WDR72: variants seen among roughly 807,000 people sequenced by gnomAD.
WDR72 encodes WD repeat domain 72.
WDR72 carries 120 observed loss-of-function variants against 124.2 expected under a neutral mutation model. The ratio of observed to expected loss-of-function variants is 0.97; its 90% CI spans 0.83 to 1.12. The LOEUF is 1.12. WDR72 is among the 50% of genes most tolerant of loss of function. WDR72 has a pLI of 0.00. For missense variants in WDR72, 1,387 were observed against 1,278.8 expected (o/e 1.08, Z -1.29); for synonymous variants, 452 against 441.7 (o/e 1.02, Z -0.29).
chr15:53,681,544 A>G (rs1410845009), intron 13 of WDR72, among the ~76,000 whole-genome samples: 1 of 152,220 alleles, frequency 6.6e-6, no homozygotes, highest in African/African-American at 2.4e-5. Flanking sequence ...GAATCGCTAA[A>G]ACTGATTACA....
chr15:53,578,358 G>C (rs568666633), intron 18 of WDR72, among the ~76,000 whole-genome samples: 1 of 152,272 alleles, frequency 6.6e-6, no homozygotes, highest in South Asian at 2.1e-4. Flanking sequence ...GAAGATCTCA[G>C]GCAATAGTGG....
intron 6 of WDR72, 29 bp from the exon 7 acceptor site, chr15:53,712,920 C>G: frequency 6.2e-7 from 1 of 1,611,226 alleles, no homozygotes; most frequent in South Asian, 1.1e-5. Flanking sequence ...TCTTTTAGTA[C>G]TAGTTCCAGG....
intron 17 of WDR72, among the ~76,000 whole-genome samples, chr15:53,606,852 C>G (rs2013306799): frequency 6.6e-6 from 1 of 152,096 alleles, no homozygotes; most frequent in Non-Finnish European, 1.5e-5. Flanking sequence ...CAAATGATGA[C>G]AGATGTGGTC....
intron 4 of WDR72, among the ~76,000 whole-genome samples, chr15:53,716,162 T>C (rs2017700010): frequency 1.3e-5 from 2 of 152,278 alleles, no homozygotes; most frequent in South Asian, 2.1e-4. Flanking sequence ...AAGATTTGCT[T>C]TAAAGATTGG....
At chr15:53,520,040 A>G (rs775164587) in intron 19 of WDR72, among the ~76,000 whole-genome samples, 1 of 152,094 alleles carries the variant, frequency 6.6e-6, no homozygotes, top group Non-Finnish European at 1.5e-5. Flanking sequence ...TCTAAATATC[A>G]ACTTCACTTT....
intron 18 of WDR72, among the ~76,000 whole-genome samples, chr15:53,560,577 T>C (rs575265780): frequency 5.3e-5 from 8 of 152,004 alleles, no homozygotes; most frequent in African/African-American, 7.2e-5. Context: ...TTATTTTTTT[T>C]CCAAGAATTA....
At chr15:53,560,995 A>G (rs1288607355) in intron 18 of WDR72, among the ~76,000 whole-genome samples, 9 of 151,872 alleles carry the variant, frequency 5.9e-5, no homozygotes, top group Admixed American at 5.9e-4. Context: ...CCCTAAAGAT[A>G]TTATTACCAC....
rs1030044124 is a variant in WDR72, at chr15:53,711,540, G to A, written c.712-59C>T. 3.2e-6 allele frequency: 5 copies of A among 1,547,978 alleles called. No individual in the cohort carries two copies. In the South Asian group the frequency reaches 3.4e-5, roughly 10 times the overall value. On this transcript the variant is annotated intron_variant, in intron 7 of 19. Coordinates refer to ENST00000360509, the MANE Select transcript of WDR72 (RefSeq NM_182758.4). ...CTTAAATCTAGTCTGCCAATAAGAT[G>A]AATATAAATTATGATAGTAATAATA...
chr15:53,682,255 A>C (rs1255049083), intron 13 of WDR72, among the ~76,000 whole-genome samples: 1 of 152,210 alleles, frequency 6.6e-6, no homozygotes, highest in African/African-American at 2.4e-5. Context: ...TAATTTCACC[A>C]AAGTGGAGAT....
At chr15:53,561,469 T>A (rs1894122195) in intron 18 of WDR72, among the ~76,000 whole-genome samples, 1 of 151,812 alleles carries the variant, frequency 6.6e-6, no homozygotes, top group Non-Finnish European at 1.5e-5. Context: ...ATAAAATAAG[T>A]GCATACTTTG....
intron 18 of WDR72, among the ~76,000 whole-genome samples, chr15:53,526,602 C>T (rs1892130626): frequency 6.6e-6 from 1 of 152,006 alleles, no homozygotes; most frequent in Non-Finnish European, 1.5e-5. Flanking sequence ...TTGATCTTTA[C>T]TCATGGTGGG....
intron 19 of WDR72, among the ~76,000 whole-genome samples, chr15:53,520,979 T>G (rs1278232380): frequency 6.6e-6 from 1 of 152,058 alleles, no homozygotes. Flanking sequence ...TCACAGAATT[T>G]TATCCACACA....
chr15:53,632,782 G>T (rs1216789276), intron 14 of WDR72, among the ~76,000 whole-genome samples: 1 of 152,236 alleles, frequency 6.6e-6, no homozygotes, highest in African/African-American at 2.4e-5. Flanking sequence ...TTTAATGACT[G>T]CCTTGCTGGG....
Position 53,743,535 on chromosome 15 carries a change from C to T in WDR72, c.-12-10374G>A, listed in dbSNP as rs1229995453. ...AAGAGATGTTTCAAATCGTTACTTG[C>T]GAATGATTTTTAGCCATTCGAAATA... On this transcript the variant is annotated intron_variant, in intron 1 of 19. Coordinates refer to ENST00000360509, the MANE Select transcript of WDR72 (RefSeq NM_182758.4). 7.2e-5 allele frequency among the ~76,000 whole-genome samples: 11 copies of T among 152,064 alleles called. 1 individual carries two copies. Among genetic ancestry groups the T allele is most frequent in the Admixed American group, 5.2e-4 (8 of 15,262 alleles).
At chr15:53,607,614 T>C (rs980251157) in intron 17 of WDR72, among the ~76,000 whole-genome samples, 1 of 151,866 alleles carries the variant, frequency 6.6e-6, no homozygotes, top group Admixed American at 6.6e-5. Flanking sequence ...TGGGCAAAAA[T>C]TTCCTGAGTA....
At chr15:53,650,128 G>A (rs1363374176) in intron 14 of WDR72, among the ~76,000 whole-genome samples, 6 of 152,018 alleles carry the variant, frequency 3.9e-5, no homozygotes, top group African/African-American at 1.4e-4. Flanking sequence ...GGAAATTTCT[G>A]CAATATGTGA....
chr15:53,541,366 C>T (rs553366467), intron 18 of WDR72, among the ~76,000 whole-genome samples: 29 of 152,096 alleles, frequency 1.9e-4, no homozygotes, highest in African/African-American at 6.3e-4. Flanking sequence ...CTGGGAGGCA[C>T]CCCCCAGCAG....
intron 8 of WDR72, 44 bp from the exon 9 acceptor site, chr15:53,710,997 CT>C: frequency 6.5e-7 from 1 of 1,534,568 alleles, no homozygotes; most frequent in Non-Finnish European, 9.0e-7. Context: ...CTTTGAGGTT[CT>C]TTATTCGTTT....
chr15:53,635,820 G>A (rs566563519), intron 14 of WDR72, among the ~76,000 whole-genome samples: 7 of 152,068 alleles, frequency 4.6e-5, no homozygotes, highest in East Asian at 3.9e-4. Context: ...AAACCTGTGC[G>A]TGTACCCCCA....
Sources: gnomAD v4.1 joint callset for allele counts (sites outside exome capture counted in the v4.1 genomes callset) on GRCh38, gnomAD v4.1.1 for gene constraint, MANE v1.5 for transcripts, NCBI Gene and HGNC (gene_info 2026-07-23, HGNC 2026-07-21) for gene names.